Variants in LINGO1 observed in about 807,000 individuals in gnomAD.
LINGO1 encodes the protein leucine rich repeat and Ig domain containing 1, also known as leucine-rich repeat and immunoglobulin-like domain-containing nogo receptor-interacting protein 1.
In LINGO1, 11 loss-of-function variants were observed where a neutral mutation model predicts 37.3. That is an observed-to-expected ratio of 0.29 (90% confidence interval 0.19 to 0.49). The LOEUF is 0.49. LINGO1 is among the 20% of genes least tolerant of loss of function. The pLI is 0.99. For missense variants in LINGO1, 585 were observed against 878.2 expected (o/e 0.67, Z 4.22); for synonymous variants, 387 against 403.0 (o/e 0.96, Z 0.48).
intron 1 of LINGO1, among the ~76,000 whole-genome samples, chr15:77,771,457 T>C (rs576073744): frequency 2.4e-4 from 36 of 152,136 alleles, no homozygotes; most frequent in African/African-American, 8.0e-4. Context: ...CTTCACACTA[T>C]CCCAGGTCAG....
chr15:77,618,947 C>T (rs1196902333), intron 1 of LINGO1, among the ~76,000 whole-genome samples: 3 of 150,172 alleles, frequency 2.0e-5, no homozygotes, highest in African/African-American at 7.4e-5. Flanking sequence ...ACACCTCATT[C>T]CCATAGTGAT....
chr15:77,748,576 G>C (rs1567561492), intron 1 of LINGO1, among the ~76,000 whole-genome samples: 1 of 152,228 alleles, frequency 6.6e-6, no homozygotes, highest in Non-Finnish European at 1.5e-5. Context: ...GACCAGGACA[G>C]CATGGGAAGA....
At chr15:77,681,866 A>G (rs984233616) in intron 2 of LINGO1, among the ~76,000 whole-genome samples, 2 of 152,066 alleles carry the variant, frequency 1.3e-5, no homozygotes, top group African/African-American at 2.4e-5. Flanking sequence ...GTCCCCATAA[A>G]TCGCACCCAA....
At chr15:77,697,520 A>G (rs2075712285), upstream of LINGO1, among the ~76,000 whole-genome samples, 1 of 152,126 alleles carries the variant, frequency 6.6e-6, no homozygotes, top group African/African-American at 2.4e-5. Context: ...AGTAGGCCCA[A>G]AGGTCCAGCC....
At chr15:77,791,223 G>A (rs1391276298), upstream of LINGO1, among the ~76,000 whole-genome samples, 1 of 152,138 alleles carries the variant, frequency 6.6e-6, no homozygotes, top group Non-Finnish European at 1.5e-5. Context: ...AGGCAGACAG[G>A]AGACATGAGG....
intron 1 of LINGO1, among the ~76,000 whole-genome samples, chr15:77,630,250 T>C (rs745618992): frequency 9.9e-5 from 15 of 151,838 alleles, no homozygotes; most frequent in Non-Finnish European, 1.9e-4. Flanking sequence ...CGTGGGACCC[T>C]GCACGAATGA....
At chr15:77,783,608 T>C (rs1229006434) in intron 1 of LINGO1, among the ~76,000 whole-genome samples, 1 of 152,296 alleles carries the variant, frequency 6.6e-6, no homozygotes, top group East Asian at 1.9e-4. Flanking sequence ...TCTTCGTCCA[T>C]TTAATGGGGA....
chr15:77,615,825 G>A lies in LINGO1; in HGVS notation c.82C>T (p.Leu28=), dbSNP rs2073695239. ...GACAGCACTGAGCCCAGCACCAGCA[G>A]GAGGATGGGCTGCCAGCAGGCCAGG... ...PLLACWQPIL[L]LVLGSVLSGS... The change falls in exon 2 of 2, where the codon CTG becomes TTG. Residue 28 remains leucine (L), a synonymous_variant. Transcript: ENST00000355300. 6.6e-7 allele frequency: 1 copy of A among 1,526,244 alleles called. No homozygotes were observed. Among genetic ancestry groups the A allele is most frequent in the Admixed American group, 2.1e-5 (1 of 48,328 alleles). 94.5% of individuals were successfully genotyped at this position (1,526,244 alleles called of 1,614,324 possible).
intron 1 of LINGO1, among the ~76,000 whole-genome samples, chr15:77,759,405 C>T (rs1192978651): frequency 6.6e-6 from 1 of 152,210 alleles, no homozygotes; most frequent in African/African-American, 2.4e-5. Context: ...CCCCAACTGC[C>T]AGAGGCAACT....
At chr15:77,779,765 C>G (rs369640630) in intron 1 of LINGO1, among the ~76,000 whole-genome samples, 1 of 152,186 alleles carries the variant, frequency 6.6e-6, no homozygotes, top group Non-Finnish European at 1.5e-5. Context: ...GCCAGTCCCC[C>G]GGGGGTTGTG....
chr15:77,662,971 A>C (rs979121008), intron 3 of LINGO1, among the ~76,000 whole-genome samples: 5 of 152,180 alleles, frequency 3.3e-5, no homozygotes, highest in African/African-American at 1.2e-4. Flanking sequence ...GTGCTTCACC[A>C]CACTCGAAAG....
chr15:77,812,208 C>T (rs1269283908), intron 1 of LINGO1, among the ~76,000 whole-genome samples: 1 of 152,240 alleles, frequency 6.6e-6, no homozygotes, highest in East Asian at 1.9e-4. Context: ...CACACCTCCC[C>T]CACCCACCAG....
intron 2 of LINGO1, among the ~76,000 whole-genome samples, chr15:77,732,262 G>GC (rs1567552400): frequency 6.6e-6 from 1 of 152,202 alleles, no homozygotes; most frequent in East Asian, 1.9e-4. Flanking sequence ...GGCAGAAAGA[G>GC]CAACGAGGCC....
chr15:77,747,679 G>A (rs1567560975), intron 1 of LINGO1, among the ~76,000 whole-genome samples: 1 of 152,230 alleles, frequency 6.6e-6, no homozygotes, highest in Non-Finnish European at 1.5e-5. Context: ...AAGGGCCAGA[G>A]AAGGAGGCTG....
At chr15:77,751,972 G>A (rs925233292) in intron 1 of LINGO1, among the ~76,000 whole-genome samples, 3 of 152,208 alleles carry the variant, frequency 2.0e-5, no homozygotes, top group African/African-American at 4.8e-5. Context: ...CCTCTCACAT[G>A]TGACCATGCC....
rs1365490816 is a variant in LINGO1, at chr15:77,615,695, G to A, written c.212C>T (p.Thr71Ile). The A allele has an allele frequency of 2.5e-6, 4 of 1,604,752 alleles. No individual in the cohort carries two copies. The African/African-American group carries it at 5.4e-5, about 21-fold the overall frequency. ...GCCTAGGTCCAGCAGGCGCGTCTCG[G>A]TGGGGATGCCCTCGGGGACTGCCAC... ...RFVAVPEGIP[T>I]ETRLLDLGKN... is the part of the protein sequence containing the mutation. The change falls in exon 2 of 2, where the codon ACC (threonine) becomes ATC (isoleucine). Residue 71 changes from threonine to isoleucine, a missense_variant. Around this residue, in one of 4 missense-constraint regions of LINGO1, gnomAD observed 484 missense variants for 735.0 expected, o/e 0.66. Transcript: ENST00000355300.
Position 77,719,865 on chromosome 15 carries a change from CAT to C in LINGO1, c.-195+15125_-195+15126del, listed in dbSNP as rs560798140. ...ACACACACAGACTGGCACTTATACA[CAT>C]GTGCATGCATACACACACATACACA... On this transcript the variant is annotated intron_variant, in intron 2 of 3. Transcript: ENST00000561686. 2.8e-3 allele frequency among the ~76,000 whole-genome samples: 360 copies of C among 128,996 alleles called. 16 individuals are homozygous for C. Among genetic ancestry groups the C allele is most frequent in the Non-Finnish European group, 5.1e-3 (295 of 58,212 alleles). The allele number at this position is 128,996 out of a possible 152,430, so 84.6% of individuals were successfully genotyped here. A position where few individuals can be genotyped will look rare whatever the true frequency, so the allele number is the denominator to read the frequency against.
In LINGO1 at chr15:77,615,705, C is replaced by T. The variant is rs748193337; in HGVS notation, c.202G>A (p.Gly68Ser). The change falls in exon 2 of 2, where the codon GGC (glycine) becomes AGC (serine). Residue 68 changes from glycine (G) to serine (S), a missense_variant. Transcript: ENST00000355300. ...AGCAGGCGCGTCTCGGTGGGGATGCCCTCGGGGACTGCCACAAAGCGCTTG... is the reference window on the plus strand; with the variant it reads ...AGCAGGCGCGTCTCGGTGGGGATGCTCTCGGGGACTGCCACAAAGCGCTTG... ...HRKRFVAVPE[G>S]IPTETRLLDL... 2 of 1,599,538 alleles carry T rather than the reference C, an allele frequency of 1.3e-6. No individual in the cohort carries two copies. Among genetic ancestry groups the T allele is most frequent in the Non-Finnish European group, 8.5e-7 (1 of 1,173,968 alleles).
At chr15:77,661,513 T>A (rs2074992633) in intron 3 of LINGO1, among the ~76,000 whole-genome samples, 1 of 152,236 alleles carries the variant, frequency 6.6e-6, no homozygotes. Context: ...GAAATGGGAA[T>A]GACAGTGCCT....
Sources: allele counts gnomAD v4.1 joint callset (sites outside exome capture counted in the v4.1 genomes callset), GRCh38; gene constraint gnomAD v4.1.1; regional missense constraint gnomAD v4.1.1; transcripts MANE v1.5; gene names NCBI Gene and HGNC (gene_info 2026-07-23, HGNC 2026-07-21).